COL4A5: variants seen among roughly 807,000 people sequenced by gnomAD.
COL4A5 encodes collagen type IV alpha 5 chain.
COL4A5 carries 26 observed loss-of-function variants against 130.2 expected under a neutral mutation model. The ratio of observed to expected loss-of-function variants is 0.20; its 90% CI spans 0.15 to 0.28. The LOEUF (loss-of-function observed/expected upper bound fraction) is 0.28, where lower values mean the gene tolerates loss of function less well. Ranked by LOEUF, COL4A5 falls within the 10% of genes least tolerant of loss-of-function variation. COL4A5 has a pLI of 1.00. For missense variants in COL4A5, 1,131 were observed against 1,344.3 expected, an observed-to-expected ratio of 0.84 and a Z score of 2.48; for synonymous variants, 496 against 439.6, an observed-to-expected ratio of 1.13 and a Z score of -1.60.
intron 27 of COL4A5, 117 bp downstream of exon 27, chrX:108,602,106 A>C (rs1288335498): frequency 2.2e-6 from 1 of 453,944 alleles, no homozygotes; most frequent in Non-Finnish European, 3.9e-6. Flanking sequence ...TCTGTGCTAT[A>C]AAGAATGTAA....
intron 1 of COL4A5, among the ~76,000 whole-genome samples, chrX:108,523,332 G>A (rs1350308177): frequency 8.9e-6 from 1 of 112,059 alleles, no homozygotes; most frequent in African/African-American, 3.2e-5. Flanking sequence ...TTCCAGCAGT[G>A]TTTGTTGTAA....
Position 108,680,941 on chromosome X carries a change from C to G in COL4A5, c.4072C>G (p.Leu1358Val). The change falls in exon 46 of 53, where the codon CTT becomes GTT. Residue 1358 changes from leucine (L) to valine (V), a missense_variant. Transcript: ENST00000328300. ...GSAGPEGEPG[L>V]IGPPGPPGLP... ...AGCTGGCCCTGAGGGGGAACCGGGACTTATTGGTCCTCCAGGTAAGACTTA... is the reference window on the plus strand; with the variant it reads ...AGCTGGCCCTGAGGGGGAACCGGGAGTTATTGGTCCTCCAGGTAAGACTTA... The G allele has an allele frequency of 8.3e-7, 1 of 1,206,671 alleles. No individual in the cohort carries two copies. Among genetic ancestry groups the G allele is most frequent in the Non-Finnish European group, 1.1e-6 (1 of 891,153 alleles).
At chrX:108,461,222 C>G (rs2064647375) in intron 1 of COL4A5, among the ~76,000 whole-genome samples, 1 of 111,852 alleles carries the variant, frequency 8.9e-6, no homozygotes, top group South Asian at 3.7e-4. Flanking sequence ...AACCTTTATA[C>G]TAAAAATATT....
chrX:108,632,568 T>G, intron 36 of COL4A5, among the ~76,000 whole-genome samples: 1 of 111,091 alleles, frequency 9.0e-6, no homozygotes, highest in Non-Finnish European at 1.9e-5. Flanking sequence ...TGAACATCGA[T>G]GCAAAAATCC....
chrX:108,693,381 T>G (rs899914706), intron 50 of COL4A5, among the ~76,000 whole-genome samples: 1 of 111,401 alleles, frequency 9.0e-6, no homozygotes, highest in Non-Finnish European at 1.9e-5. Flanking sequence ...ACTAGGCAGA[T>G]AAATGACAAT....
chrX:108,541,767 G>A (rs752122367), intron 2 of COL4A5, among the ~76,000 whole-genome samples: 5 of 112,352 alleles, frequency 4.5e-5, no homozygotes, highest in African/African-American at 1.6e-4. Flanking sequence ...AGATTTAACC[G>A]TTGTCCGTTG....
chrX:108,626,837 T>C, intron 36 of COL4A5: 2 of 773,443 alleles, frequency 2.6e-6, no homozygotes, highest in Non-Finnish European at 3.1e-6. Context: ...GTGGTGTTTC[T>C]CAAGTAATCA....
chrX:108,502,134 A>C (rs750774955), intron 1 of COL4A5, among the ~76,000 whole-genome samples: 2 of 112,423 alleles, frequency 1.8e-5, no homozygotes, highest in East Asian at 5.6e-4. Context: ...AGGTGAGTTG[A>C]GTGCAAGAGC....
At chrX:108,603,220 C>A (rs1229046928) in intron 28 of COL4A5, among the ~76,000 whole-genome samples, 159 bp downstream of exon 28, 2 of 105,245 alleles carry the variant, frequency 1.9e-5, no homozygotes, top group African/African-American at 7.0e-5. Flanking sequence ...ATATTTAACC[C>A]CAAATCATCT....
In COL4A5 at chrX:108,591,595, C is replaced by T. The variant is rs2147798049; in HGVS notation, c.1374C>T (p.Pro458=). 3.3e-6 allele frequency: 4 copies of T among 1,209,349 alleles called. No individual in the cohort carries two copies. The highest frequency in any genetic ancestry group is 1.8e-5 in the South Asian group (1 of 56,908). The change falls in exon 21 of 53, where the codon CCC becomes CCT. Residue 458 remains proline, a synonymous_variant. Transcript: ENST00000328300. ...TATGTGAACCAGGCCCTCCAGGCCC[C>T]CCAGGATCTCCAGGTGATAAAGGAC... ...DEICEPGPPG[P]PGSPGDKGLQ... is the part of the protein sequence containing the mutation.
intron 13 of COL4A5, among the ~76,000 whole-genome samples, chrX:108,578,947 GGATTTCA>G (rs2066200007): frequency 9.0e-6 from 1 of 111,018 alleles, no homozygotes; most frequent in Non-Finnish European, 1.9e-5. Flanking sequence ...CAAAGTGTTG[GGATTTCA>G]GGCATAAGCC....
intron 29 of COL4A5, among the ~76,000 whole-genome samples, chrX:108,613,375 C>A (rs1207253802): frequency 1.8e-5 from 2 of 111,967 alleles, no homozygotes; most frequent in Non-Finnish European, 3.8e-5. Context: ...ACTTTGTCAT[C>A]CCTTGTTTTA....
At chrX:108,670,001 C>T in intron 41 of COL4A5, 1 of 379,586 alleles carries the variant, frequency 2.6e-6, no homozygotes, top group Non-Finnish European at 4.5e-6. Context: ...AAAAATACGC[C>T]ACAGTGTGCT....
At chrX:108,644,107 A>G (rs1257490704) in intron 36 of COL4A5, among the ~76,000 whole-genome samples, 2 of 112,170 alleles carry the variant, frequency 1.8e-5, no homozygotes, top group African/African-American at 6.5e-5. Context: ...GACAAAATAA[A>G]CTTTAAAGCA....
chrX:108,514,588 G>A (rs1327961981), intron 1 of COL4A5, among the ~76,000 whole-genome samples: 5 of 111,944 alleles, frequency 4.5e-5, no homozygotes, highest in African/African-American at 1.3e-4. Flanking sequence ...GAAAGATGAG[G>A]AAAGAGATAA....
chrX:108,453,555 A>T (rs1358557517), intron 1 of COL4A5, among the ~76,000 whole-genome samples: 2 of 111,680 alleles, frequency 1.8e-5, no homozygotes, highest in African/African-American at 6.5e-5. Context: ...ACTCAGTTTT[A>T]ATTTTTATAT....
intron 1 of COL4A5, among the ~76,000 whole-genome samples, chrX:108,502,604 T>A (rs1292844010): frequency 8.9e-6 from 1 of 112,217 alleles, no homozygotes; most frequent in Non-Finnish European, 1.9e-5. Context: ...TAATAGTTTT[T>A]TGTGTAGTCC....
At chrX:108,630,972 T>C (rs1289058046) in intron 36 of COL4A5, among the ~76,000 whole-genome samples, 1 of 111,653 alleles carries the variant, frequency 9.0e-6, no homozygotes, top group East Asian at 2.8e-4. Context: ...TGTAGATGTG[T>C]GGTGTTATCT....
intron 6 of COL4A5, among the ~76,000 whole-genome samples, chrX:108,569,970 G>A (rs907812414): frequency 5.4e-5 from 6 of 111,451 alleles, no homozygotes; most frequent in Non-Finnish European, 9.4e-5. Flanking sequence ...GCGAGCCACC[G>A]CGCCCGGCCA....
Sources: gnomAD v4.1 joint callset for allele counts (sites outside exome capture counted in the v4.1 genomes callset) on GRCh38, gnomAD v4.1.1 for gene constraint, MANE v1.5 for transcripts, NCBI Gene and HGNC (gene_info 2026-07-23, HGNC 2026-07-21) for gene names.